FAM53B: variants seen among roughly 807,000 people sequenced by gnomAD.
FAM53B encodes protein FAM53B.
Under a neutral mutation model 32.7 loss-of-function variants are expected in FAM53B, and 12 were observed. The observed-to-expected ratio is 0.37, with a 90% confidence interval of 0.24 to 0.59. FAM53B has a LOEUF of 0.59. FAM53B is among the 20% of genes least tolerant of loss of function. The pLI, the probability that FAM53B is intolerant of heterozygous loss-of-function variation, is 0.72. For synonymous variants in FAM53B, 234 were observed against 228.7 expected (o/e 1.02, Z -0.21); for missense variants, 477 against 577.7 (o/e 0.83, Z 1.79).
intron 3 of FAM53B, among the ~76,000 whole-genome samples, chr10:124,692,332 G>T (rs76438978): frequency 0.1 from 15,973 of 152,136 alleles, 1,383 homozygotes; most frequent in African/African-American, 0.24. Flanking sequence ...CCTAAACTGG[G>T]GTAGGGGACA....
intron 4 of FAM53B, among the ~76,000 whole-genome samples, chr10:124,676,390 G>A (rs949421114): frequency 2.6e-5 from 4 of 152,186 alleles, no homozygotes; most frequent in African/African-American, 4.8e-5. Context: ...GGAACCCTAA[G>A]CAGCTGAAGG....
chr10:124,743,458 C>A (rs985472570), intron 1 of FAM53B, among the ~76,000 whole-genome samples: 1 of 152,320 alleles, frequency 6.6e-6, no homozygotes, highest in African/African-American at 2.4e-5. Flanking sequence ...TCACCCCCAT[C>A]CTGACCGCCC....
At chr10:124,657,253 T>C (rs191784142) in intron 4 of FAM53B, among the ~76,000 whole-genome samples, 1 of 151,468 alleles carries the variant, frequency 6.6e-6, no homozygotes, top group East Asian at 1.9e-4. Context: ...CTTTTCATAT[T>C]GGATAGAGTA....
At chr10:124,684,528 AT>A (rs1554906933) in intron 3 of FAM53B, among the ~76,000 whole-genome samples, 6 of 151,850 alleles carry the variant, frequency 4.0e-5, no homozygotes, top group Middle Eastern at 3.4e-3. Flanking sequence ...GTAAAAAAAA[AT>A]TTTTTTTTGA....
intron 4 of FAM53B, among the ~76,000 whole-genome samples, chr10:124,628,354 C>T (rs1949368852): frequency 6.6e-6 from 1 of 152,156 alleles, no homozygotes; most frequent in South Asian, 2.1e-4. Context: ...AGATAGTGAC[C>T]ACTCCCCTTT....
At chr10:124,673,807 C>G (rs998340475) in intron 4 of FAM53B, among the ~76,000 whole-genome samples, 1 of 152,214 alleles carries the variant, frequency 6.6e-6, no homozygotes, top group Admixed American at 6.5e-5. Flanking sequence ...TGGGGCTCTG[C>G]CCCAGACCTG....
intron 3 of FAM53B, among the ~76,000 whole-genome samples, chr10:124,684,979 T>C (rs1344129126): frequency 5.3e-5 from 8 of 152,364 alleles, no homozygotes; most frequent in Non-Finnish European, 7.3e-5. Context: ...ATGGTAAACA[T>C]AGTTAAAACG....
At chr10:124,654,190 T>A (rs1055837524) in intron 4 of FAM53B, among the ~76,000 whole-genome samples, 5 of 152,260 alleles carry the variant, frequency 3.3e-5, no homozygotes, top group Non-Finnish European at 7.3e-5. Flanking sequence ...GAAAAATGCA[T>A]GTTGTGAATG....
At chr10:124,707,691 A>G (rs1949970519) in intron 1 of FAM53B, among the ~76,000 whole-genome samples, 1 of 152,188 alleles carries the variant, frequency 6.6e-6, no homozygotes, top group African/African-American at 2.4e-5. Flanking sequence ...GTGAGCCAAG[A>G]TTGCACCACG....
At chr10:124,653,617 C>T (rs533122471) in intron 4 of FAM53B, among the ~76,000 whole-genome samples, 1 of 152,210 alleles carries the variant, frequency 6.6e-6, no homozygotes, top group East Asian at 1.9e-4. Flanking sequence ...GACTCATGAG[C>T]CAGACTTGGG....
Position 124,681,741 on chromosome 10 carries a change from T to C in FAM53B, c.772A>G (p.Arg258Gly), listed in dbSNP as rs1225532408. Reference sequence around the variant, plus strand: ...CTGCGGGAAAGGCCGCTGGAGCGTCTCGCCAGCTCTGGTGTTGAGGCAGGT... The same window carrying C: ...CTGCGGGAAAGGCCGCTGGAGCGTCCCGCCAGCTCTGGTGTTGAGGCAGGT... ...STPASTPELA[R>G]RSSGLSRSRS... Residue 258 changes from arginine to glycine, a missense_variant, in exon 4 of 5, where the codon AGA becomes GGA. By Grantham distance (125) the Arg-to-Gly change is moderately radical (BLOSUM62 -2). This residue lies in a region of FAM53B where 312 missense variants were observed against 420.2 expected (regional missense o/e 0.74). Coordinates refer to ENST00000337318, the MANE Select transcript of FAM53B (RefSeq NM_014661.4). 1.2e-6 allele frequency: 2 copies of C among 1,610,088 alleles called. No individual in the cohort carries two copies. Among genetic ancestry groups the C allele is most frequent in the Admixed American group, 3.4e-5 (2 of 59,366 alleles).
In FAM53B at chr10:124,623,205, G is replaced by A; in HGVS notation, c.*37C>T. On this transcript the variant is annotated 3_prime_UTR_variant, in exon 5 of 5. Coordinates refer to ENST00000337318, the MANE Select transcript of FAM53B (RefSeq NM_014661.4). ...AGTGCCCAGAGTGGGGGCTGTCGAT[G>A]CCAGCACACCCCAGCCCTGCCTGGG... 1 of 1,535,934 alleles carries A rather than the reference G, an allele frequency of 6.5e-7. No individual in the cohort carries two copies. The highest frequency in any genetic ancestry group is 8.8e-7 in the Non-Finnish European group (1 of 1,140,588).
At chr10:124,708,887 T>C (rs1218395429) in intron 1 of FAM53B, among the ~76,000 whole-genome samples, 2 of 152,238 alleles carry the variant, frequency 1.3e-5, no homozygotes, top group African/African-American at 4.8e-5. Flanking sequence ...CACAACTGAG[T>C]TGGAATCCCA....
chr10:124,740,596 T>C (rs189702890), intron 1 of FAM53B, among the ~76,000 whole-genome samples: 2 of 152,208 alleles, frequency 1.3e-5, no homozygotes, highest in African/African-American at 4.8e-5. Context: ...CCTTGAGCCA[T>C]AATAAAGGTG....
chr10:124,726,457 C>T (rs181898478), intron 1 of FAM53B, among the ~76,000 whole-genome samples: 4 of 152,300 alleles, frequency 2.6e-5, no homozygotes, highest in African/African-American at 9.6e-5. Context: ...GTGCACAATG[C>T]CCTGACCAGT....
Position 124,651,987 on chromosome 10 carries a change from G to A in FAM53B, c.907-28383C>T, listed in dbSNP as rs143170553. ...AATGTGAACTCAGGGGCCAGGAAGC[G>A]AGGCCCCTGCCCTCCAGGAGTCCCT... On this transcript the variant is annotated intron_variant, in intron 4 of 4. Coordinates refer to ENST00000337318, the MANE Select transcript of FAM53B (RefSeq NM_014661.4). The surrounding 1 kb of genome is among the most constrained non-coding windows in gnomAD (Gnocchi z 5.2). Among the ~76,000 whole-genome samples the A allele has an allele frequency of 1.3e-5, 2 of 152,266 alleles. No homozygotes were observed. Among genetic ancestry groups the A allele is most frequent in the East Asian group, 3.9e-4 (2 of 5,140 alleles).
At chr10:124,652,039 CA>C (rs1490866708) in intron 4 of FAM53B, among the ~76,000 whole-genome samples, 2 of 152,210 alleles carry the variant, frequency 1.3e-5, no homozygotes, top group East Asian at 3.8e-4. Context: ...TGGAGAATTT[CA>C]AAGCCAACAT....
intron 3 of FAM53B, among the ~76,000 whole-genome samples, chr10:124,686,747 T>C (rs780790597): frequency 6.6e-5 from 10 of 152,124 alleles, no homozygotes; most frequent in South Asian, 2.1e-4. Context: ...ATGAATGAGG[T>C]AGTGGATTGC....
intron 3 of FAM53B, among the ~76,000 whole-genome samples, chr10:124,688,335 C>T (rs1395596362): frequency 1.3e-5 from 2 of 152,242 alleles, no homozygotes; most frequent in Non-Finnish European, 2.9e-5. Flanking sequence ...TTCTATGCTG[C>T]GCCTGTTGCT....
Sources: allele counts gnomAD v4.1 joint callset (sites outside exome capture counted in the v4.1 genomes callset), GRCh38; gene constraint gnomAD v4.1.1; regional missense constraint gnomAD v4.1.1; non-coding constraint Gnocchi (gnomAD v3.1); transcripts MANE v1.5; gene names NCBI Gene and HGNC (gene_info 2026-07-23, HGNC 2026-07-21).